AGMO: variants seen among roughly 807,000 people sequenced by gnomAD.
AGMO encodes alkylglycerol monooxygenase.
A neutral mutation model predicts 60.2 loss-of-function variants in AGMO; 75 were observed. The observed-to-expected ratio is 1.25, with a 90% CI of 1.03 to 1.51. AGMO has a LOEUF of 1.51. Ranked by LOEUF, AGMO falls within the 40% of genes most tolerant of loss-of-function variation. The probability of loss-of-function intolerance (pLI) is 0.00; values close to 1 mark genes in which losing one functional copy is unlikely to be tolerated. For missense variants in AGMO, 763 were observed against 525.5 expected (o/e 1.45, Z -4.42); for synonymous variants, 261 against 177.1 (o/e 1.47, Z -3.76).
chr7:15,242,466 G>C (rs1352930662), intron 12 of AGMO, among the ~76,000 whole-genome samples: 1 of 152,266 alleles, frequency 6.6e-6, no homozygotes, highest in East Asian at 1.9e-4. Context: ...AAATGGTAAT[G>C]TCAATAGTCT....
At chr7:15,288,376 T>C (rs1583367013) in intron 12 of AGMO, among the ~76,000 whole-genome samples, 1 of 152,196 alleles carries the variant, frequency 6.6e-6, no homozygotes, top group African/African-American at 2.4e-5. Flanking sequence ...CAGGGTTTTA[T>C]GGTGAGCAGG....
intron 3 of AGMO, among the ~76,000 whole-genome samples, chr7:15,531,371 C>CTATATATATTCTATATATATTCTA (rs1784340359): frequency 1.3e-5 from 1 of 78,492 alleles, no homozygotes; most frequent in Non-Finnish European, 2.1e-5. Context: ...TATATATATT[C>CTATATATATTCTATATATATTCTA]TATATATATT....
intron 12 of AGMO, among the ~76,000 whole-genome samples, chr7:15,226,652 C>T (rs1782091822): frequency 6.6e-6 from 1 of 152,016 alleles, no homozygotes; most frequent in Admixed American, 6.6e-5. Flanking sequence ...TTATTATTAA[C>T]CCTGAAGAAA....
intron 12 of AGMO, among the ~76,000 whole-genome samples, chr7:15,229,595 T>G (rs1782191120): frequency 6.7e-6 from 1 of 149,124 alleles, no homozygotes; most frequent in Non-Finnish European, 1.5e-5. Flanking sequence ...GAGAACTTTT[T>G]GCCAACTTCA....
At chr7:15,395,048 A>C (rs886448051) in intron 5 of AGMO, among the ~76,000 whole-genome samples, 1 of 152,144 alleles carries the variant, frequency 6.6e-6, no homozygotes, top group Non-Finnish European at 1.5e-5. Context: ...TTACATGAAT[A>C]ATACTGGACA....
chr7:15,216,867 C>T (rs1466513981), intron 12 of AGMO, among the ~76,000 whole-genome samples: 2 of 74,484 alleles, frequency 2.7e-5, no homozygotes, highest in East Asian at 5.0e-4. Flanking sequence ...TGTGTGTGTA[C>T]ACATGCACAC....
chr7:15,198,250 A>AGAGAGG (rs1563030493), downstream of AGMO, among the ~76,000 whole-genome samples: 2 of 76,152 alleles, frequency 2.6e-5, no homozygotes, highest in African/African-American at 2.4e-4. Context: ...AGAGAGAGAG[A>AGAGAGG]GAGAGACAGA....
chr7:15,185,261 AATAAAT>A, the AGMO span, among the ~76,000 whole-genome samples: 2 of 152,170 alleles, frequency 1.3e-5, no homozygotes, highest in Non-Finnish European at 2.9e-5. Flanking sequence ...TCTTTCAGAA[AATAAAT>A]ATAAACTAAA....
At chr7:15,463,437 C>T (rs1377000732) in intron 3 of AGMO, among the ~76,000 whole-genome samples, 1 of 152,190 alleles carries the variant, frequency 6.6e-6, no homozygotes, top group Non-Finnish European at 1.5e-5. Context: ...CTTACACACT[C>T]ACCCAAACTG....
intron 12 of AGMO, among the ~76,000 whole-genome samples, chr7:15,365,313 G>A (rs181779017): frequency 2.1e-4 from 30 of 142,724 alleles, no homozygotes; most frequent in Non-Finnish European, 4.2e-4. Context: ...CCAACTTTAC[G>A]GGCCAAAAAA....
the AGMO span, among the ~76,000 whole-genome samples, chr7:15,171,778 T>C: frequency 9.2e-5 from 14 of 152,148 alleles, no homozygotes; most frequent in Non-Finnish European, 1.8e-4. Context: ...GCCTTTTATC[T>C]TTCTATTATA....
chr7:15,175,629 C>CA, the AGMO span, among the ~76,000 whole-genome samples: 1 of 151,030 alleles, frequency 6.6e-6, no homozygotes, highest in Admixed American at 6.6e-5. Context: ...ATTTTATGTC[C>CA]AAAAAAAAGG....
At chr7:15,213,725 C>T (rs1381179216) in intron 12 of AGMO, among the ~76,000 whole-genome samples, 3 of 151,930 alleles carry the variant, frequency 2.0e-5, no homozygotes, top group Admixed American at 6.6e-5. Flanking sequence ...TGGCACTCTG[C>T]TTCCCAAAAT....
chr7:15,161,357 C>G, the AGMO span, among the ~76,000 whole-genome samples: 2 of 152,038 alleles, frequency 1.3e-5, no homozygotes, highest in East Asian at 3.9e-4. Flanking sequence ...CCTTTAGACT[C>G]AAGCTGCAAT....
At chr7:15,543,899 T>C (rs1784697572) in intron 3 of AGMO, among the ~76,000 whole-genome samples, 1 of 151,814 alleles carries the variant, frequency 6.6e-6, no homozygotes. Flanking sequence ...TCCATAGTCA[T>C]TGTACTAGTT....
chr7:15,391,031 A>C (rs529733826), intron 6 of AGMO, 126 bp from the exon 7 acceptor site: 2 of 586,520 alleles, frequency 3.4e-6, no homozygotes, highest in East Asian at 5.9e-5. Flanking sequence ...TTCCCTGGGA[A>C]TGTCTTCTCA....
intron 3 of AGMO, among the ~76,000 whole-genome samples, chr7:15,488,991 A>G (rs747282650): frequency 6.6e-6 from 1 of 152,200 alleles, no homozygotes; most frequent in Admixed American, 6.5e-5. Flanking sequence ...ACGATGTGAC[A>G]TATCAGTTTA....
At chr7:15,476,701 G>A (rs902065304) in intron 3 of AGMO, among the ~76,000 whole-genome samples, 7 of 151,974 alleles carry the variant, frequency 4.6e-5, no homozygotes, top group East Asian at 1.9e-4. Flanking sequence ...AAAGTTGTTC[G>A]TTAGATTATG....
the AGMO span, among the ~76,000 whole-genome samples, chr7:15,120,141 CA>C: frequency 1.3e-5 from 2 of 151,942 alleles, no homozygotes; most frequent in Admixed American, 1.3e-4. Flanking sequence ...CAAAAAAGAA[CA>C]AAAAAGCTCA....
Sources: gnomAD v4.1 joint callset for allele counts (sites outside exome capture counted in the v4.1 genomes callset) on GRCh38, gnomAD v4.1.1 for gene constraint, MANE v1.5 for transcripts, NCBI Gene and HGNC (gene_info 2026-07-23, HGNC 2026-07-21) for gene names.